Variants in IQGAP1 observed in about 807,000 individuals in gnomAD.
The protein encoded by IQGAP1 is IQ motif containing GTPase activating protein 1.
A neutral mutation model predicts 215.6 loss-of-function variants in IQGAP1; 66 were observed. The observed-to-expected ratio is 0.31, with a 90% CI of 0.25 to 0.38. The LOEUF (loss-of-function observed/expected upper bound fraction) is 0.38, where lower values mean the gene tolerates loss of function less well. Among genes scored for constraint, IQGAP1 ranks in the 10% least tolerant of loss-of-function variants. The pLI, the probability that IQGAP1 is intolerant of heterozygous loss-of-function variation, is 1.00. For synonymous variants in IQGAP1, 772 were observed against 728.7 expected, an observed-to-expected ratio of 1.06 and a Z score of -0.96; for missense variants, 1,712 against 1,997.1, an observed-to-expected ratio of 0.86 and a Z score of 2.72.
At chr15:90,481,860 A>G in intron 26 of IQGAP1, 100 bp from the exon 27 acceptor site, 1 of 1,262,838 alleles carries the variant, frequency 7.9e-7, no homozygotes. Flanking sequence ...AAGCTATCTA[A>G]TATTTCTGGG....
At chr15:90,413,928 C>G (rs905924851) in intron 2 of IQGAP1, among the ~76,000 whole-genome samples, 3 of 152,168 alleles carry the variant, frequency 2.0e-5, no homozygotes, top group African/African-American at 7.2e-5. Context: ...GGGGTATATT[C>G]CTTTCTGTAG....
chr15:90,470,798 A>G (rs75379706), intron 18 of IQGAP1, among the ~76,000 whole-genome samples: 2,971 of 152,238 alleles, frequency 0.02, 76 homozygotes, highest in African/African-American at 0.064. Context: ...AGCACTCATC[A>G]TATTTGACTT....
chr15:90,486,861 T>C, intron 31 of IQGAP1, 93 bp from the exon 32 acceptor site: 1 of 1,274,428 alleles, frequency 7.8e-7, no homozygotes, highest in Admixed American at 2.0e-5. Context: ...TCAAGTATTA[T>C]CTTAGACTTG....
intron 5 of IQGAP1, among the ~76,000 whole-genome samples, chr15:90,435,667 A>G (rs2151017336): frequency 6.6e-6 from 1 of 152,334 alleles, no homozygotes; most frequent in South Asian, 2.1e-4. Context: ...ACTACTCTGC[A>G]GTGTAACCTG....
At chr15:90,391,943 T>G (rs1027120129) in intron 2 of IQGAP1, 1 of 152,154 alleles carries the variant, frequency 6.6e-6, no homozygotes, top group Non-Finnish European at 1.5e-5. Context: ...CAAGTGTGTG[T>G]GTATGTGTGT....
chr15:90,476,902 A>G, intron 24 of IQGAP1, 84 bp downstream of exon 24: 3 of 1,480,406 alleles, frequency 2.0e-6, no homozygotes, highest in Non-Finnish European at 2.8e-6. Context: ...TCTCTCTGGA[A>G]GTATTTTTGA....
At chr15:90,475,091 G>A (rs1051008136) in intron 23 of IQGAP1, among the ~76,000 whole-genome samples, 5 of 140,872 alleles carry the variant, frequency 3.5e-5, no homozygotes, top group African/African-American at 8.0e-5. Flanking sequence ...CCTCTGCCTC[G>A]CAGGTTCAGC....
intron 36 of IQGAP1, 129 bp from the exon 37 acceptor site, chr15:90,497,103 A>C: frequency 1.7e-6 from 1 of 600,176 alleles, no homozygotes; most frequent in Non-Finnish European, 3.0e-6. Context: ...CTGCAGAAGT[A>C]CTTTTGACCT....
intron 13 of IQGAP1, 62 bp downstream of exon 13, chr15:90,453,354 G>T: frequency 7.7e-7 from 1 of 1,291,056 alleles, no homozygotes; most frequent in South Asian, 1.5e-5. Context: ...TCTTTTGTAT[G>T]TCAGTGCTCC....
intron 4 of IQGAP1, chr15:90,431,145 C>T (rs779169538): frequency 1.3e-5 from 2 of 150,926 alleles, no homozygotes; most frequent in Non-Finnish European, 3.0e-5. Context: ...TGCATTGTTG[C>T]ATACATACCT....
At chr15:90,428,828 A>T (rs1163016956) in intron 3 of IQGAP1, among the ~76,000 whole-genome samples, 2 of 152,040 alleles carry the variant, frequency 1.3e-5, no homozygotes, top group Non-Finnish European at 2.9e-5. Context: ...TTTAGAGGGG[A>T]TATCTGTATA....
At chr15:90,399,715 G>GT (rs1596248010) in intron 2 of IQGAP1, among the ~76,000 whole-genome samples, 1 of 152,118 alleles carries the variant, frequency 6.6e-6, no homozygotes, top group Non-Finnish European at 1.5e-5. Flanking sequence ...AATGTTGATT[G>GT]TAAGGGGAAC....
At chr15:90,404,412 G>A (rs909728371) in intron 2 of IQGAP1, among the ~76,000 whole-genome samples, 1 of 152,162 alleles carries the variant, frequency 6.6e-6, no homozygotes, top group Non-Finnish European at 1.5e-5. Flanking sequence ...GTGAAGATGA[G>A]CATCTTTACA....
intron 5 of IQGAP1, among the ~76,000 whole-genome samples, chr15:90,438,183 C>G (rs1965396271): frequency 6.6e-6 from 1 of 152,068 alleles, no homozygotes; most frequent in African/African-American, 2.4e-5. Context: ...TGATTTATTT[C>G]TTATATATTT....
At chr15:90,399,488 G>A (rs1272383060) in intron 2 of IQGAP1, among the ~76,000 whole-genome samples, 4 of 151,934 alleles carry the variant, frequency 2.6e-5, no homozygotes, top group East Asian at 3.8e-4. Flanking sequence ...ACTTTCTCTC[G>A]TATTTGCTAC....
chr15:90,401,927 T>C (rs903487231), intron 2 of IQGAP1, among the ~76,000 whole-genome samples: 16 of 152,160 alleles, frequency 1.1e-4, no homozygotes, highest in Non-Finnish European at 2.1e-4. Context: ...GGGAAAAAAA[T>C]AGAGTTGATA....
intron 23 of IQGAP1, among the ~76,000 whole-genome samples, chr15:90,476,323 T>G (rs1401474374): frequency 6.6e-6 from 1 of 152,250 alleles, no homozygotes; most frequent in Non-Finnish European, 1.5e-5. Context: ...ACATTTAGGT[T>G]GTTTTCCAAG....
intron 16 of IQGAP1, 78 bp downstream of exon 16, chr15:90,466,169 GT>G: frequency 1.9e-6 from 3 of 1,573,226 alleles, no homozygotes; most frequent in Non-Finnish European, 2.6e-6. Flanking sequence ...ACCAAGATAG[GT>G]ATGGGGGAAC....
rs375100363 is a variant in IQGAP1, at chr15:90,482,167, C to T, written c.3471-30C>T. 3.3e-5 allele frequency: 53 copies of T among 1,613,994 alleles called. No homozygotes were observed. The African/African-American group carries it at 6.3e-4, about 19-fold the overall frequency. On this transcript the variant is annotated intron_variant, in intron 27 of 37. Transcript: ENST00000268182. ...ACTAAGTGCCTTTCTGCTCCTTGGC[C>T]CTTCTCACTAAGTTTTGTCCATCCC...
Sources: gnomAD v4.1 joint callset for allele counts (sites outside exome capture counted in the v4.1 genomes callset) on GRCh38, gnomAD v4.1.1 for gene constraint, MANE v1.5 for transcripts, NCBI Gene and HGNC (gene_info 2026-07-23, HGNC 2026-07-21) for gene names.